MYO16: variants seen among roughly 807,000 people sequenced by gnomAD.
MYO16 encodes the protein unconventional myosin-XVI.
In MYO16, 94 loss-of-function variants were observed where a neutral mutation model predicts 205.3. The observed-to-expected ratio is 0.46, with a 90% CI of 0.39 to 0.54. MYO16 has a LOEUF of 0.54. Ranked by LOEUF, MYO16 falls within the 20% of genes least tolerant of loss-of-function variation. MYO16 has a pLI of 0.00. For synonymous variants in MYO16, 988 were observed against 954.0 expected (o/e 1.04, Z -0.66); for missense variants, 2,315 against 2,387.5 (o/e 0.97, Z 0.63).
intron 31 of MYO16, among the ~76,000 whole-genome samples, chr13:109,135,473 T>C (rs1325870229): frequency 6.6e-6 from 1 of 152,196 alleles, no homozygotes; most frequent in Non-Finnish European, 1.5e-5. Flanking sequence ...AGCCTGCTTC[T>C]TCCTTATCAG....
chr13:108,636,727 C>T (rs16972839), intron 1 of MYO16, among the ~76,000 whole-genome samples: 7,397 of 152,058 alleles, frequency 0.049, 247 homozygotes, highest in African/African-American at 0.084. Context: ...ATGCACCCAG[C>T]GTTTCAAATT....
intron 19 of MYO16, among the ~76,000 whole-genome samples, chr13:108,964,373 A>G (rs565283235): frequency 3.3e-5 from 5 of 152,292 alleles, no homozygotes; most frequent in Non-Finnish European, 7.4e-5. Context: ...AAATATTTAA[A>G]ATATATCTGA....
chr13:109,136,323 G>A (rs914460869), intron 31 of MYO16, among the ~76,000 whole-genome samples: 1 of 152,064 alleles, frequency 6.6e-6, no homozygotes, highest in Non-Finnish European at 1.5e-5. Context: ...TTGAACTCCT[G>A]ACCTTGTGAT....
At chr13:109,131,926 A>G (rs1385689014) in intron 31 of MYO16, among the ~76,000 whole-genome samples, 1 of 152,184 alleles carries the variant, frequency 6.6e-6, no homozygotes, top group African/African-American at 2.4e-5. Context: ...CAGTCTTTCC[A>G]AGCCCATGTA....
At chr13:108,759,450 G>A (rs954092986) in intron 4 of MYO16, among the ~76,000 whole-genome samples, 4 of 152,158 alleles carry the variant, frequency 2.6e-5, no homozygotes, top group Non-Finnish European at 5.9e-5. Context: ...CAGGAGAAAC[G>A]TAGCAATTCC....
chr13:108,839,921 C>G lies in MYO16; in HGVS notation c.1098-4422C>G, dbSNP rs1357633142. Among the ~76,000 whole-genome samples, 3 of 152,320 alleles carry G rather than the reference C, an allele frequency of 2.0e-5. No individual in the cohort carries two copies. The East Asian group carries it at 5.8e-4, about 29-fold the overall frequency. Reference sequence around the variant, plus strand: ...GTGAAATCTCAGAAGCATGACAGTTCTAGACACATAAAAACAGCAGCTGAT... The same window carrying G: ...GTGAAATCTCAGAAGCATGACAGTTGTAGACACATAAAAACAGCAGCTGAT... On this transcript the variant is annotated intron_variant, in intron 9 of 34. Transcript: ENST00000457511.
intron 22 of MYO16, 84 bp downstream of exon 22, chr13:109,009,133 T>A: frequency 8.8e-7 from 1 of 1,141,740 alleles, no homozygotes; most frequent in Non-Finnish European, 1.2e-6. Context: ...TCAGGACGCC[T>A]TATTTTTGAG....
chr13:108,631,829 GA>G (rs1342149037), intron 1 of MYO16, among the ~76,000 whole-genome samples: 3 of 152,170 alleles, frequency 2.0e-5, no homozygotes, highest in Non-Finnish European at 4.4e-5. Flanking sequence ...TGTAATCCCA[GA>G]ACATTGGGAG....
chr13:108,500,972 G>A, the MYO16 span, among the ~76,000 whole-genome samples: 5 of 152,142 alleles, frequency 3.3e-5, no homozygotes, highest in African/African-American at 1.2e-4. Flanking sequence ...TGTTCTCTAC[G>A]TGGAACTTAG....
the MYO16 span, among the ~76,000 whole-genome samples, chr13:108,525,392 G>A: frequency 6.6e-6 from 1 of 152,132 alleles, no homozygotes; most frequent in Non-Finnish European, 1.5e-5. Flanking sequence ...CCTAAGCATT[G>A]TGAGTGCTGT....
At position 108,765,532 on chromosome 13, in the gene MYO16, G is replaced by A. The variant is rs151271252; in HGVS notation, c.508-20103G>A. Reference sequence around the variant, plus strand: ...TCAACTCTTTTAGATGGTTCTCCTGGGTTTTTTACTCATTTTACACTAAAT... The same window carrying A: ...TCAACTCTTTTAGATGGTTCTCCTGAGTTTTTTACTCATTTTACACTAAAT... On this transcript the variant is annotated intron_variant, in intron 4 of 34. Transcript: ENST00000457511. Among the ~76,000 whole-genome samples the A allele has an allele frequency of 2.0e-5, 3 of 152,052 alleles. No homozygotes were observed. In the East Asian group the frequency reaches 5.8e-4, roughly 29 times the overall value.
chr13:108,820,384 C>T lies in MYO16; in HGVS notation c.915C>T (p.Leu305=), dbSNP rs756198563. 1.9e-5 allele frequency: 30 copies of T among 1,607,114 alleles called. No homozygotes were observed. Among genetic ancestry groups the T allele is most frequent in the Non-Finnish European group, 2.5e-5 (30 of 1,176,538 alleles). The change falls in exon 8 of 35, where the codon CTC becomes CTT. Residue 305 remains leucine, a synonymous_variant. Coordinates refer to ENST00000457511, the MANE Select transcript of MYO16 (RefSeq NM_001198950.3). ...LLLMHQANPH[L]VNCNEEKASD... ...TGATGCATCAGGCAAACCCACACCT[C>T]GTGAACTGTAATGAGGAGAAGGCGT...
At chr13:108,867,051 A>T (rs553864163) in intron 12 of MYO16, among the ~76,000 whole-genome samples, 19 of 152,050 alleles carry the variant, frequency 1.2e-4, no homozygotes, top group Admixed American at 9.8e-4. Context: ...ATCTTATCAA[A>T]AGTCAATTCT....
At chr13:108,873,316 A>T (rs1309004175) in intron 12 of MYO16, among the ~76,000 whole-genome samples, 1 of 152,270 alleles carries the variant, frequency 6.6e-6, no homozygotes, top group Non-Finnish European at 1.5e-5. Flanking sequence ...AGAAATTCAC[A>T]TATAACATCT....
At chr13:108,648,439 A>G (rs1880851929) in intron 1 of MYO16, among the ~76,000 whole-genome samples, 1 of 152,214 alleles carries the variant, frequency 6.6e-6, no homozygotes, top group South Asian at 2.1e-4. Flanking sequence ...CAGAGAGGAC[A>G]TTCAATGAAT....
intron 27 of MYO16, among the ~76,000 whole-genome samples, chr13:109,085,294 A>G (rs1888404405): frequency 6.6e-6 from 1 of 152,182 alleles, no homozygotes; most frequent in Non-Finnish European, 1.5e-5. Context: ...TATTGATGAG[A>G]GTAATTGAGG....
chr13:108,984,115 G>C (rs1392754732), intron 20 of MYO16, among the ~76,000 whole-genome samples: 1 of 152,134 alleles, frequency 6.6e-6, no homozygotes, highest in African/African-American at 2.4e-5. Flanking sequence ...TCTGCAAATG[G>C]ATTCTCACTA....
In MYO16 at chr13:109,055,378, T is replaced by C. The variant is rs1042764864; in HGVS notation, c.3130-12T>C. 6.3e-7 allele frequency: 1 copy of C among 1,598,758 alleles called. No homozygotes were observed. The highest frequency in any genetic ancestry group is 8.6e-7 in the Non-Finnish European group (1 of 1,168,834). Reference sequence around the variant, plus strand: ...CTTTGGAGAATCAGTTGGGTTCTACTTCTCTCCTTAGAAATCACTAATGGA... The same window carrying C: ...CTTTGGAGAATCAGTTGGGTTCTACCTCTCTCCTTAGAAATCACTAATGGA... On this transcript the variant is annotated splice_polypyrimidine_tract_variant and intron_variant, in intron 26 of 34. Coordinates refer to ENST00000457511, the MANE Select transcript of MYO16 (RefSeq NM_001198950.3). The surrounding 1 kb of genome is among the most constrained non-coding windows in gnomAD (Gnocchi z 5.0).
chr13:109,029,953 T>C (rs1886496264), intron 23 of MYO16, among the ~76,000 whole-genome samples: 2 of 152,154 alleles, frequency 1.3e-5, no homozygotes, highest in Admixed American at 1.3e-4. Context: ...CTTTAGATTG[T>C]TCAGAATATT....
Sources: allele counts gnomAD v4.1 joint callset (sites outside exome capture counted in the v4.1 genomes callset), GRCh38; gene constraint gnomAD v4.1.1; non-coding constraint Gnocchi (gnomAD v3.1); transcripts MANE v1.5; gene names NCBI Gene and HGNC (gene_info 2026-07-23, HGNC 2026-07-21).